MEIS1: variants seen among roughly 807,000 people sequenced by gnomAD.
MEIS1 encodes the protein Meis homeobox 1.
Under a neutral mutation model 50.8 loss-of-function variants are expected in MEIS1, and 5 were observed. That is an observed-to-expected ratio of 0.10 (90% CI 0.05 to 0.21). The LOEUF is 0.21. Ranked by LOEUF, MEIS1 falls within the 10% of genes least tolerant of loss-of-function variation. The probability of loss-of-function intolerance (pLI) is 1.00; values close to 1 mark genes in which losing one functional copy is unlikely to be tolerated. For missense variants in MEIS1, 318 were observed against 517.3 expected, an observed-to-expected ratio of 0.61 and a Z score of 3.74; for synonymous variants, 176 against 179.3, an observed-to-expected ratio of 0.98 and a Z score of 0.15.
At chr2:66,467,392 T>C (rs1672665060) in intron 7 of MEIS1, among the ~76,000 whole-genome samples, 1 of 149,698 alleles carries the variant, frequency 6.7e-6, no homozygotes. Context: ...AGGTCAGGAG[T>C]TCAAGACCAG....
chr2:66,456,243 C>CACACACACACACAT (rs1218698058), intron 6 of MEIS1, among the ~76,000 whole-genome samples: 1 of 146,282 alleles, frequency 6.8e-6, no homozygotes, highest in Non-Finnish European at 1.6e-5. Context: ...TATACACACA[C>CACACACACACACAT]ACACACACAC....
chr2:66,510,139 AGTT>A (rs1463211349), intron 7 of MEIS1, among the ~76,000 whole-genome samples: 2 of 152,082 alleles, frequency 1.3e-5, no homozygotes, highest in Admixed American at 1.3e-4. Flanking sequence ...AATGCTGTTG[AGTT>A]GTTTTCTTTT....
chr2:66,551,696 A>G (rs1197796851), intron 9 of MEIS1, among the ~76,000 whole-genome samples: 1 of 152,006 alleles, frequency 6.6e-6, no homozygotes, highest in Non-Finnish European at 1.5e-5. Context: ...CTAGTTGTCT[A>G]AATATTTCAA....
At chr2:66,542,350 T>C (rs1475520477) in intron 8 of MEIS1, among the ~76,000 whole-genome samples, 1 of 152,100 alleles carries the variant, frequency 6.6e-6, no homozygotes, top group Non-Finnish European at 1.5e-5. Flanking sequence ...GGTCAACTTA[T>C]ATTAATGCAT....
rs112282705 is a variant in MEIS1 at position 66,516,729 on chromosome 2, T to C, written c.888+4435T>C. On this transcript the variant is annotated intron_variant, in intron 8 of 12. Coordinates refer to ENST00000272369, the MANE Select transcript of MEIS1 (RefSeq NM_002398.3). ...GCGTTTCCATAGTAACACTATTAGA[T>C]GAAAAGTGCCCTGCGGGTCCGCCAC... Among the ~76,000 whole-genome samples, 434 of 152,264 alleles carry C rather than the reference T, an allele frequency of 2.9e-3. 8 individuals carry two copies. The highest frequency in any genetic ancestry group is 9.2e-3 in the African/African-American group (382 of 41,536).
At chr2:66,444,261 C>T (rs1293530475) in intron 6 of MEIS1, among the ~76,000 whole-genome samples, 1 of 152,160 alleles carries the variant, frequency 6.6e-6, no homozygotes, top group Non-Finnish European at 1.5e-5. Flanking sequence ...AGAGATCAGC[C>T]TGCCTTTGTT....
chr2:66,475,167 T>TATTTATAA (rs1672860893), intron 7 of MEIS1, among the ~76,000 whole-genome samples: 1 of 147,256 alleles, frequency 6.8e-6, no homozygotes, highest in Non-Finnish European at 1.5e-5. Flanking sequence ...TGAATATAAA[T>TATTTATAA]ATCATTTATA....
intron 4 of MEIS1, 139 bp downstream of exon 4, chr2:66,440,751 T>C (rs756831570): frequency 1.6e-5 from 10 of 617,516 alleles, no homozygotes; most frequent in Non-Finnish European, 2.9e-5. Flanking sequence ...AATGTTTCTG[T>C]ACACGGACAA....
intron 2 of MEIS1, 105 bp downstream of exon 2, chr2:66,438,068 T>C (rs887600197): frequency 1.9e-6 from 2 of 1,050,658 alleles, no homozygotes; most frequent in Non-Finnish European, 1.3e-6. Flanking sequence ...TGGAGGTACA[T>C]CTTTGGTGAC....
intron 9 of MEIS1, among the ~76,000 whole-genome samples, chr2:66,557,332 T>C (rs1186558531): frequency 1.3e-5 from 2 of 152,196 alleles, no homozygotes; most frequent in African/African-American, 4.8e-5. Flanking sequence ...TGGTTTTTAG[T>C]GTGTTCACAG....
At chr2:66,443,090 AT>A in intron 6 of MEIS1, 42 bp downstream of exon 6, 1 of 1,546,586 alleles carries the variant, frequency 6.5e-7, no homozygotes, top group Non-Finnish European at 8.7e-7. Flanking sequence ...AAAAAAAAAA[AT>A]CTGTATGCAT....
intron 8 of MEIS1, among the ~76,000 whole-genome samples, chr2:66,544,896 A>T (rs1324643818): frequency 6.6e-6 from 1 of 152,190 alleles, no homozygotes; most frequent in African/African-American, 2.4e-5. Context: ...TTTGAGAGCC[A>T]TATTACTACC....
chr2:66,509,701 C>T (rs941546795), intron 7 of MEIS1, among the ~76,000 whole-genome samples: 1 of 152,188 alleles, frequency 6.6e-6, no homozygotes, highest in Admixed American at 6.5e-5. Flanking sequence ...GTGAGTGTTA[C>T]ACATGGAATG....
At chr2:66,520,779 G>A (rs1674098236) in intron 8 of MEIS1, among the ~76,000 whole-genome samples, 1 of 152,062 alleles carries the variant, frequency 6.6e-6, no homozygotes, top group Non-Finnish European at 1.5e-5. Flanking sequence ...CTGTAAGGTG[G>A]GCAGCATGAC....
chr2:66,473,414 A>ATATATATATATATATATG (rs1270895401), intron 7 of MEIS1, among the ~76,000 whole-genome samples: 1 of 142,624 alleles, frequency 7.0e-6, no homozygotes, highest in African/African-American at 2.7e-5. Flanking sequence ...ATATATATAT[A>ATATATATATATATATATG]TATAGTAATA....
At chr2:66,531,709 C>G (rs971132275) in intron 8 of MEIS1, among the ~76,000 whole-genome samples, 11 of 152,204 alleles carry the variant, frequency 7.2e-5, no homozygotes, top group African/African-American at 2.7e-4. Flanking sequence ...GTCAACTTGA[C>G]AGGGCCTATG....
intron 7 of MEIS1, among the ~76,000 whole-genome samples, chr2:66,490,308 TTGGC>T: frequency 6.6e-6 from 1 of 152,154 alleles, no homozygotes; most frequent in Admixed American, 6.5e-5. Flanking sequence ...GGAGGGTGGG[TTGGC>T]TGGAAGCTTT....
chr2:66,452,176 T>C (rs1363201487), intron 6 of MEIS1, among the ~76,000 whole-genome samples: 3 of 151,936 alleles, frequency 2.0e-5, no homozygotes, highest in Admixed American at 6.6e-5. Context: ...TGTTTTATAA[T>C]CCACGCTTGA....
At chr2:66,543,915 G>T (rs997153) in intron 8 of MEIS1, among the ~76,000 whole-genome samples, 1 of 152,018 alleles carries the variant, frequency 6.6e-6, no homozygotes, top group African/African-American at 2.4e-5. Flanking sequence ...TTGATATCCC[G>T]AAGTGATTAG....
Sources: allele counts gnomAD v4.1 joint callset (sites outside exome capture counted in the v4.1 genomes callset), GRCh38; gene constraint gnomAD v4.1.1; transcripts MANE v1.5; gene names NCBI Gene and HGNC (gene_info 2026-07-23, HGNC 2026-07-21).